Variants in RABGAP1L observed in about 807,000 individuals in gnomAD.
The protein encoded by RABGAP1L is rab GTPase-activating protein 1-like.
Under a neutral mutation model 137.7 loss-of-function variants are expected in RABGAP1L, and 63 were observed. The observed-to-expected ratio is 0.46, with a 90% CI of 0.37 to 0.56. The LOEUF is 0.56. Ranked by LOEUF, RABGAP1L falls within the 20% of genes least tolerant of loss-of-function variation. The pLI is 0.00. For synonymous variants in RABGAP1L, 431 were observed against 433.7 expected, an observed-to-expected ratio of 0.99 and a Z score of 0.08; for missense variants, 1,095 against 1,244.0, an observed-to-expected ratio of 0.88 and a Z score of 1.80.
At chr1:174,214,957 C>CATGGGCAAAAAAAGCAAAA (rs1309326238) in intron 1 of RABGAP1L, among the ~76,000 whole-genome samples, 1 of 152,052 alleles carries the variant, frequency 6.6e-6, no homozygotes, top group Non-Finnish European at 1.5e-5. Flanking sequence ...ACCCTAAAAG[C>CATGGGCAAAAAAAGCAAAA]ATGGGCAAAA....
At chr1:174,445,481 T>G (rs1654639024) in intron 13 of RABGAP1L, among the ~76,000 whole-genome samples, 1 of 152,182 alleles carries the variant, frequency 6.6e-6, no homozygotes, top group African/African-American at 2.4e-5. Flanking sequence ...ACCTTCAGTA[T>G]TGCTCTGAAT....
chr1:174,375,744 A>G (rs996449879), intron 12 of RABGAP1L, among the ~76,000 whole-genome samples: 17 of 152,142 alleles, frequency 1.1e-4, no homozygotes, highest in African/African-American at 4.1e-4. Flanking sequence ...TGAGGCCAAA[A>G]TGGCAAATTC....
intron 17 of RABGAP1L, among the ~76,000 whole-genome samples, chr1:174,717,222 C>A (rs930600658): frequency 6.6e-6 from 1 of 152,162 alleles, no homozygotes; most frequent in African/African-American, 2.4e-5. Context: ...CCAGCCTGAT[C>A]AACGTGGCGA....
intron 17 of RABGAP1L, among the ~76,000 whole-genome samples, chr1:174,745,332 A>T (rs1271787578): frequency 6.6e-6 from 1 of 152,206 alleles, no homozygotes; most frequent in African/African-American, 2.4e-5. Flanking sequence ...CTGGGCACAT[A>T]AACTAGCATG....
intron 18 of RABGAP1L, among the ~76,000 whole-genome samples, chr1:174,782,160 A>AGTT (rs1687063980): frequency 6.6e-6 from 1 of 152,138 alleles, no homozygotes; most frequent in African/African-American, 2.4e-5. Flanking sequence ...CTTGGGCAGT[A>AGTT]TGGCCATTTT....
chr1:174,342,939 A>G (rs1237242277), intron 11 of RABGAP1L, among the ~76,000 whole-genome samples: 1 of 152,186 alleles, frequency 6.6e-6, no homozygotes, highest in African/African-American at 2.4e-5. Context: ...GGGTTTCACC[A>G]TGTTGGCCAG....
At chr1:174,923,147 G>GAA (rs61592378) in intron 19 of RABGAP1L, among the ~76,000 whole-genome samples, 28,499 of 130,082 alleles carry the variant, frequency 0.22, 3,106 homozygotes, top group Admixed American at 0.28. Context: ...CCCTATCTCA[G>GAA]AAAAAAAAAA....
At chr1:174,910,008 G>A (rs181388326) in intron 19 of RABGAP1L, among the ~76,000 whole-genome samples, 86 of 152,210 alleles carry the variant, frequency 5.7e-4, no homozygotes, top group African/African-American at 1.8e-3. Flanking sequence ...GCATGGTGGC[G>A]GGTGTCTGTA....
chr1:174,496,780 T>A (rs1660773951), intron 13 of RABGAP1L, among the ~76,000 whole-genome samples: 1 of 152,118 alleles, frequency 6.6e-6, no homozygotes, highest in African/African-American at 2.4e-5. Flanking sequence ...GTAGAGAGAT[T>A]CCTTAAAGAA....
At chr1:174,266,394 T>C (rs538802983) in intron 7 of RABGAP1L, among the ~76,000 whole-genome samples, 2 of 152,152 alleles carry the variant, frequency 1.3e-5, no homozygotes, top group African/African-American at 2.4e-5. Flanking sequence ...AAAATCTGAG[T>C]AGACTGCTAC....
chr1:174,493,430 C>T (rs960502350), intron 13 of RABGAP1L, among the ~76,000 whole-genome samples: 20 of 151,618 alleles, frequency 1.3e-4, no homozygotes, highest in African/African-American at 4.6e-4. Context: ...CAAAATAATA[C>T]TCTCAGTCTA....
chr1:174,910,011 TG>T (rs1222452317), intron 19 of RABGAP1L, among the ~76,000 whole-genome samples: 2 of 151,752 alleles, frequency 1.3e-5, no homozygotes, highest in Non-Finnish European at 2.9e-5. Context: ...TGGTGGCGGG[TG>T]TCTGTAGTCC....
intron 2 of RABGAP1L, 191 bp from the exon 3 acceptor site, chr1:174,220,781 A>C (rs1020027999): frequency 2.4e-6 from 1 of 411,070 alleles, no homozygotes; most frequent in African/African-American, 2.1e-5. Flanking sequence ...GAAACTAATA[A>C]TCTTCCTCTA....
intron 10 of RABGAP1L, 96 bp downstream of exon 10, chr1:174,278,875 A>G (rs1476507953): frequency 1.9e-6 from 2 of 1,059,034 alleles, no homozygotes; most frequent in Non-Finnish European, 2.6e-6. Flanking sequence ...TTGCAAAACA[A>G]TACAATTCCT....
At chr1:174,865,221 A>G (rs1650998182) in intron 19 of RABGAP1L, among the ~76,000 whole-genome samples, 1 of 152,036 alleles carries the variant, frequency 6.6e-6, no homozygotes, top group Admixed American at 6.6e-5. Flanking sequence ...ACATGCCTGT[A>G]ATCCCAGCTA....
intron 13 of RABGAP1L, among the ~76,000 whole-genome samples, chr1:174,635,789 A>C (rs920857204): frequency 6.6e-6 from 1 of 152,146 alleles, no homozygotes; most frequent in African/African-American, 2.4e-5. Context: ...TCTAATTACC[A>C]CCCAGCATGA....
chr1:174,569,038 G>T (rs970174658), intron 13 of RABGAP1L, among the ~76,000 whole-genome samples: 1 of 152,042 alleles, frequency 6.6e-6, no homozygotes, highest in Non-Finnish European at 1.5e-5. Flanking sequence ...TTCTATTATT[G>T]TCTCCATTTT....
At chr1:174,532,736 A>G (rs1031075078) in intron 13 of RABGAP1L, among the ~76,000 whole-genome samples, 1 of 152,128 alleles carries the variant, frequency 6.6e-6, no homozygotes, top group African/African-American at 2.4e-5. Flanking sequence ...GAAATATCTC[A>G]TCCAGATAGT....
rs1022142476 is a variant in RABGAP1L at position 174,448,033 on chromosome 1, T to G, written c.1710+53888T>G. 13 of 1,190,810 alleles carry G rather than the reference T, an allele frequency of 1.1e-5. No individual in the cohort carries two copies. The highest frequency in any genetic ancestry group is 1.6e-5 in the Non-Finnish European group (13 of 825,798). The allele number at this position is 1,190,810 out of a possible 1,614,324, so 73.8% of individuals were successfully genotyped here. A position where few individuals can be genotyped will look rare whatever the true frequency, so the allele number is the denominator to read the frequency against. On this transcript the variant is annotated intron_variant, in intron 13 of 25. Coordinates refer to ENST00000681986, the MANE Select transcript of RABGAP1L (RefSeq NM_001366446.1). This position sits in a 1 kb window ranked among gnomAD's most constrained non-coding sequence, Gnocchi z 4.2. ...ACTGAAGCAGGTTCTGAAACACTCA[T>G]GTGCGGTGTTTAACAGATGCTGGGC...
Sources: allele counts gnomAD v4.1 joint callset (sites outside exome capture counted in the v4.1 genomes callset), GRCh38; gene constraint gnomAD v4.1.1; non-coding constraint Gnocchi (gnomAD v3.1); transcripts MANE v1.5; gene names NCBI Gene and HGNC (gene_info 2026-07-23, HGNC 2026-07-21).